BTBD9: variants seen among roughly 807,000 people sequenced by gnomAD.
BTBD9 encodes BTB domain containing 9, also known as BTB/POZ domain-containing protein 9.
In BTBD9, 49 loss-of-function variants were observed where a neutral mutation model predicts 64.3. The ratio of observed to expected loss-of-function variants is 0.76; its 90% CI spans 0.61 to 0.97. The LOEUF (loss-of-function observed/expected upper bound fraction) is 0.97. Ranked by LOEUF, BTBD9 falls within the 50% of genes least tolerant of loss-of-function variation. The pLI, the probability that BTBD9 is intolerant of heterozygous loss-of-function variation, is 0.00. For synonymous variants in BTBD9, 260 were observed against 274.7 expected (o/e 0.95, Z 0.53); for missense variants, 598 against 762.1 (o/e 0.78, Z 2.53).
At chr6:38,325,914 G>A (rs1317558488) in intron 7 of BTBD9, among the ~76,000 whole-genome samples, 1 of 152,116 alleles carries the variant, frequency 6.6e-6, no homozygotes, top group Non-Finnish European at 1.5e-5. Flanking sequence ...GGTTCCAAAC[G>A]CTGGGAATAC....
chr6:38,257,425 A>G (rs995874193), intron 8 of BTBD9, among the ~76,000 whole-genome samples: 7 of 151,690 alleles, frequency 4.6e-5, no homozygotes, highest in Non-Finnish European at 1.5e-5. Context: ...TCAAACTTCT[A>G]GCCTCAAGTG....
intron 9 of BTBD9, among the ~76,000 whole-genome samples, chr6:38,197,476 G>A (rs1018235339): frequency 2.6e-5 from 4 of 152,066 alleles, no homozygotes; most frequent in Non-Finnish European, 4.4e-5. Flanking sequence ...CCTCATTTAC[G>A]TGTCTGTGTC....
At chr6:38,364,222 A>G (rs1014209787) in intron 6 of BTBD9, among the ~76,000 whole-genome samples, 1 of 152,120 alleles carries the variant, frequency 6.6e-6, no homozygotes, top group Non-Finnish European at 1.5e-5. Flanking sequence ...ATGAGCGTCA[A>G]CTGTCCTTGA....
chr6:38,540,963 A>G (rs914070737), intron 6 of BTBD9, among the ~76,000 whole-genome samples: 2 of 152,190 alleles, frequency 1.3e-5, no homozygotes, highest in African/African-American at 4.8e-5. Context: ...TCACCTTCCC[A>G]TGGTCTGTAC....
chr6:38,209,841 G>A (rs1308845593), intron 9 of BTBD9, among the ~76,000 whole-genome samples: 1 of 152,212 alleles, frequency 6.6e-6, no homozygotes, highest in Non-Finnish European at 1.5e-5. Flanking sequence ...TGGCAGAGGA[G>A]GAGCTTCAGA....
chr6:38,453,215 T>C (rs936722460), intron 6 of BTBD9, among the ~76,000 whole-genome samples: 1 of 152,164 alleles, frequency 6.6e-6, no homozygotes, highest in Non-Finnish European at 1.5e-5. Flanking sequence ...GTATTAGAAT[T>C]TGAAAAGGAA....
intron 3 of BTBD9, 55 bp from the exon 4 acceptor site, chr6:38,592,895 A>G: frequency 6.4e-7 from 1 of 1,553,304 alleles, no homozygotes; most frequent in Non-Finnish European, 8.8e-7. Context: ...CCACTGCATG[A>G]CCAATCAGTA....
intron 1 of BTBD9, among the ~76,000 whole-genome samples, chr6:38,618,496 T>C (rs1292876078): frequency 6.6e-6 from 1 of 152,082 alleles, no homozygotes; most frequent in African/African-American, 2.4e-5. Context: ...CAGCTCCCCT[T>C]CCTATAATGA....
At chr6:38,423,877 T>C (rs1768020671) in intron 6 of BTBD9, among the ~76,000 whole-genome samples, 1 of 152,024 alleles carries the variant, frequency 6.6e-6, no homozygotes, top group African/African-American at 2.4e-5. Flanking sequence ...AGCGACTATA[T>C]TTTTAAGTAG....
chr6:38,318,118 C>T (rs928051154), intron 7 of BTBD9, among the ~76,000 whole-genome samples: 4 of 152,074 alleles, frequency 2.6e-5, no homozygotes, highest in Non-Finnish European at 5.9e-5. Flanking sequence ...TGGTCTTGAA[C>T]TCCTGACCTT....
intron 5 of BTBD9, among the ~76,000 whole-genome samples, chr6:38,578,508 A>G (rs1322952747): frequency 6.6e-6 from 1 of 152,184 alleles, no homozygotes; most frequent in South Asian, 2.1e-4. Flanking sequence ...ACAATCTTGG[A>G]AGATTTAGGT....
chr6:38,268,874 C>T (rs190203767), intron 8 of BTBD9, among the ~76,000 whole-genome samples: 9 of 152,330 alleles, frequency 5.9e-5, no homozygotes, highest in Admixed American at 5.9e-4. Flanking sequence ...ACTACTGCCC[C>T]TCTCCCACTG....
At chr6:38,339,749 G>T (rs1764030657) in intron 7 of BTBD9, among the ~76,000 whole-genome samples, 1 of 152,170 alleles carries the variant, frequency 6.6e-6, no homozygotes, top group African/African-American at 2.4e-5. Context: ...TTGGAACAAT[G>T]TAAGTATTTC....
At chr6:38,349,938 C>G (rs1269087855) in intron 6 of BTBD9, among the ~76,000 whole-genome samples, 1 of 152,166 alleles carries the variant, frequency 6.6e-6, no homozygotes, top group Non-Finnish European at 1.5e-5. Flanking sequence ...CTTGACCTGT[C>G]TTAGCTAAGC....
chr6:38,358,025 T>C (rs1764800739), intron 6 of BTBD9, among the ~76,000 whole-genome samples: 2 of 151,716 alleles, frequency 1.3e-5, no homozygotes, highest in Admixed American at 1.3e-4. Flanking sequence ...GTCTCTCTCT[T>C]TCTCTCTCTC....
intron 9 of BTBD9, among the ~76,000 whole-genome samples, chr6:38,217,185 G>A (rs1763034734): frequency 6.6e-6 from 1 of 151,358 alleles, no homozygotes; most frequent in South Asian, 2.1e-4. Context: ...CAGGCCTGGT[G>A]GCGGGTGCCT....
chr6:38,620,020 C>T (rs918404409), intron 1 of BTBD9, among the ~76,000 whole-genome samples: 5 of 152,160 alleles, frequency 3.3e-5, no homozygotes, highest in African/African-American at 7.2e-5. Flanking sequence ...AAAATGCCTG[C>T]CCAGTCCAAA....
chr6:38,255,705 G>A (rs1764551999), intron 9 of BTBD9, among the ~76,000 whole-genome samples: 1 of 152,192 alleles, frequency 6.6e-6, no homozygotes, highest in African/African-American at 2.4e-5. Context: ...TTAACGAGAT[G>A]AGATAAATAA....
intron 6 of BTBD9, among the ~76,000 whole-genome samples, chr6:38,429,572 G>A (rs908570784): frequency 4.0e-5 from 6 of 151,542 alleles, no homozygotes; most frequent in African/African-American, 9.7e-5. Context: ...TTTGCAAAAC[G>A]TCATAAGAAA....
Sources: gnomAD v4.1 joint callset for allele counts (sites outside exome capture counted in the v4.1 genomes callset) on GRCh38, gnomAD v4.1.1 for gene constraint, MANE v1.5 for transcripts, NCBI Gene and HGNC (gene_info 2026-07-23, HGNC 2026-07-21) for gene names.